The following CPLANE1 variants were observed in gnomAD, a reference collection of about 807,000 sequenced individuals.
CPLANE1 encodes the protein ciliogenesis and planar polarity effector 1.
Under a neutral mutation model 362.5 loss-of-function variants are expected in CPLANE1, and 263 were observed. The observed-to-expected ratio is 0.73, with a 90% CI of 0.66 to 0.80. CPLANE1 has a LOEUF of 0.80. CPLANE1 is among the 30% of genes least tolerant of loss of function. The pLI is 0.00. For synonymous variants in CPLANE1, 1,212 were observed against 1,302.6 expected (o/e 0.93, Z 1.50); for missense variants, 3,461 against 3,793.4 (o/e 0.91, Z 2.30).
intron 21 of CPLANE1, among the ~76,000 whole-genome samples, chr5:37,192,541 A>C (rs1785834286): frequency 1.3e-5 from 2 of 152,280 alleles, no homozygotes; most frequent in South Asian, 4.1e-4. Flanking sequence ...AAATTTTGTC[A>C]GTCATGATAA....
chr5:37,138,543 T>C (rs1407597781), intron 46 of CPLANE1, 177 bp downstream of exon 46: 3 of 743,196 alleles, frequency 4.0e-6, no homozygotes, highest in South Asian at 1.4e-5. Context: ...AGTTATATAC[T>C]ATATATTGTT....
intron 46 of CPLANE1, among the ~76,000 whole-genome samples, chr5:37,135,181 C>A (rs1362822175): frequency 6.6e-6 from 1 of 152,086 alleles, no homozygotes; most frequent in Non-Finnish European, 1.5e-5. Flanking sequence ...AAATAATTTT[C>A]TTATTTTTGC....
intron 42 of CPLANE1, among the ~76,000 whole-genome samples, chr5:37,152,863 T>C (rs1773966732): frequency 6.6e-6 from 1 of 152,000 alleles, no homozygotes; most frequent in African/African-American, 2.4e-5. Flanking sequence ...CACTCCAGCC[T>C]GGATAACAGA....
chr5:37,137,275 G>A (rs1768003943), intron 46 of CPLANE1, among the ~76,000 whole-genome samples: 1 of 152,124 alleles, frequency 6.6e-6, no homozygotes. Context: ...ACCTTCTCCA[G>A]TTCCCAACAA....
In CPLANE1 at chr5:37,148,225, A is replaced by G; in HGVS notation, c.8417T>C (p.Phe2806Ser). Residue 2806 changes from phenylalanine (F) to serine (S), a missense_variant, in exon 43 of 53, where the codon TTC becomes TCC. By Grantham distance (155) the Phe-to-Ser change is radical (BLOSUM62 -2). Around this residue, in one of 2 missense-constraint regions of CPLANE1, gnomAD observed 3,380 missense variants for 3,666.1 expected, o/e 0.92. Transcript: ENST00000651892. ...DHIEFSSGPE[F>S]KKTLASKTIS... is the part of the protein sequence containing the mutation. Reference sequence around the variant, plus strand: ...GGTTTTTGAAGCTAATGTTTTTTTGAATTCAGGGCCAGAAGAGAATTCAAT... The same window carrying G: ...GGTTTTTGAAGCTAATGTTTTTTTGGATTCAGGGCCAGAAGAGAATTCAAT... 6.2e-7 allele frequency: 1 copy of G among 1,612,846 alleles called. No homozygotes were observed. The highest frequency in any genetic ancestry group is 8.5e-7 in the Non-Finnish European group (1 of 1,179,322).
chr5:37,243,607 TATC>T (rs1187393697), intron 5 of CPLANE1, among the ~76,000 whole-genome samples: 1 of 149,294 alleles, frequency 6.7e-6, no homozygotes, highest in Non-Finnish European at 1.5e-5. Flanking sequence ...GCATATTTAG[TATC>T]ATCAATTCTA....
rs1413942466 is a variant in CPLANE1, at chr5:37,213,030, G to A, written c.2920+529C>T. Among the ~76,000 whole-genome samples, 7 of 152,144 alleles carry A rather than the reference G, an allele frequency of 4.6e-5. 1 individual carries two copies. On this transcript the variant is annotated intron_variant, in intron 16 of 52. Coordinates refer to ENST00000651892, the MANE Select transcript of CPLANE1 (RefSeq NM_001384732.1). ...TCGAGACCAGCCTGACTAACGTGGT[G>A]AAACCCTGTCTCTACTAAATACAAA... is the stretch of plus-strand genomic sequence containing the variant.
At chr5:37,203,362 A>G (rs948766528) in intron 18 of CPLANE1, among the ~76,000 whole-genome samples, 5 of 152,216 alleles carry the variant, frequency 3.3e-5, no homozygotes, top group African/African-American at 1.2e-4. Context: ...GTCACAAGTT[A>G]TCAGCAATTT....
rs916238209 is a variant in CPLANE1, at chr5:37,153,974, G to C, written c.8139C>G (p.Phe2713Leu). Residue 2713 changes from phenylalanine to leucine, a missense_variant, in exon 42 of 53, where the codon TTC (phenylalanine) becomes TTG (leucine). By Grantham distance (22) the Phe-to-Leu change is conservative (BLOSUM62 0). Coordinates refer to ENST00000651892, the MANE Select transcript of CPLANE1 (RefSeq NM_001384732.1). ...ACTTTGTGCTCTGTCCTTTGAATCG[G>C]AACTCTGGTTTTGGCAGACCTAAAT... ...QQNKGLPKPE[F>L]RFKGQSTKSD... 6.2e-7 allele frequency: 1 copy of C among 1,610,122 alleles called. No homozygotes were observed. Among genetic ancestry groups the C allele is most frequent in the African/African-American group, 1.3e-5 (1 of 74,804 alleles).
At chr5:37,221,604 G>T in intron 14 of CPLANE1, 116 bp from the exon 15 acceptor site, 1 of 579,798 alleles carries the variant, frequency 1.7e-6, no homozygotes, top group East Asian at 3.4e-5. Flanking sequence ...GTACACTCAT[G>T]ATATGTAAAC....
At chr5:37,115,651 C>T (rs1760725003) in intron 50 of CPLANE1, among the ~76,000 whole-genome samples, 1 of 143,646 alleles carries the variant, frequency 7.0e-6, no homozygotes, top group Non-Finnish European at 1.5e-5. Context: ...GGCTGCAGTA[C>T]AGTGGCGTGA....
Position 37,195,984 on chromosome 5 carries a change from C to A in CPLANE1, c.3685G>T (p.Gly1229Ter). Residue 1229 changes from glycine to a stop codon, truncating the protein, a stop_gained, in exon 21 of 53, where the codon GGA becomes TGA. Transcript: ENST00000651892. LOFTEE classifies it high-confidence loss of function. ...RKVMQKIRMK[G>*]SLPSLSPFPQ... is the part of the protein sequence containing the mutation. Reference sequence around the variant, plus strand: ...AAAGGACTCAGTGAAGGAAGGGATCCTTTCATTCGAATCTAAAAGTAAAGA... The same window carrying A: ...AAAGGACTCAGTGAAGGAAGGGATCATTTCATTCGAATCTAAAAGTAAAGA... 1.3e-6 allele frequency: 2 copies of A among 1,599,138 alleles called. No individual in the cohort carries two copies. Among genetic ancestry groups the A allele is most frequent in the African/African-American group, 1.3e-5 (1 of 74,152 alleles).
At chr5:37,199,026 G>C (rs575395097) in intron 19 of CPLANE1, among the ~76,000 whole-genome samples, 160 bp from the exon 20 acceptor site, 2 of 142,720 alleles carry the variant, frequency 1.4e-5, no homozygotes, top group East Asian at 4.5e-4. Context: ...GAGCTCAGGA[G>C]TTGGAAGCTG....
At position 37,180,963 on chromosome 5, in the gene CPLANE1, T is replaced by C. The variant is rs1447400188; in HGVS notation, c.5464A>G (p.Ile1822Val). The C allele has an allele frequency of 6.2e-7, 1 of 1,614,086 alleles. No individual in the cohort carries two copies. The highest frequency in any genetic ancestry group is 8.5e-7 in the Non-Finnish European group (1 of 1,179,990). Residue 1822 changes from isoleucine (I) to valine (V), a missense_variant, in exon 27 of 53, where the codon ATT becomes GTT. Ile to Val is a conservative substitution (Grantham distance 29). Around this residue, in one of 2 missense-constraint regions of CPLANE1, gnomAD observed 3,380 missense variants for 3,666.1 expected, o/e 0.92. Coordinates refer to ENST00000651892, the MANE Select transcript of CPLANE1 (RefSeq NM_001384732.1). ...GCATCTGATTTGCTCTCCCTCTCAATATTGGGTCCAATCTGACACCCAGTG... is the reference window on the plus strand; with the variant it reads ...GCATCTGATTTGCTCTCCCTCTCAACATTGGGTCCAATCTGACACCCAGTG... ...RDTGCQIGPN[I>V]ERESKSDAGG...
In CPLANE1 at chr5:37,175,453, C is replaced by T. The variant is rs117628091; in HGVS notation, c.5978+456G>A. Among the ~76,000 whole-genome samples, 28 of 152,312 alleles carry T rather than the reference C, an allele frequency of 1.8e-4. No homozygotes were observed. The East Asian group carries it at 5.0e-3, about 27-fold the overall frequency. On this transcript the variant is annotated intron_variant, in intron 31 of 52. Coordinates refer to ENST00000651892, the MANE Select transcript of CPLANE1 (RefSeq NM_001384732.1). ...TCAACAGGTCTCAAGGAGATCGATT[C>T]TAACTATGAAAATTTTTTTCTGAGG... is the stretch of plus-strand genomic sequence containing the variant.
At chr5:37,248,148 T>C (rs1446637766) in intron 1 of CPLANE1, among the ~76,000 whole-genome samples, 1 of 150,508 alleles carries the variant, frequency 6.6e-6, no homozygotes, top group Non-Finnish European at 1.5e-5. Flanking sequence ...TATTTCTGAG[T>C]TGAAGTTTTG....
rs556662084 is a variant in CPLANE1, at chr5:37,123,932, C to CACAT, written c.8958+1311_8958+1312insATGT. Among the ~76,000 whole-genome samples the CACAT allele has an allele frequency of 5.2e-3, 532 of 102,942 alleles. 1 individual carries two copies. Among genetic ancestry groups the CACAT allele is most frequent in the African/African-American group, 0.018 (510 of 28,354 alleles). 67.5% of individuals were successfully genotyped at this position (102,942 alleles called of 152,430 possible). On this transcript the variant is annotated intron_variant, in intron 47 of 52. Transcript: ENST00000651892. ...TTCTACATTAGGCTAGGGGAACATA[C>CACAT]ACACACACACACACACACACACACA...
At chr5:37,215,442 A>C (rs1006763392) in intron 15 of CPLANE1, among the ~76,000 whole-genome samples, 1 of 152,178 alleles carries the variant, frequency 6.6e-6, no homozygotes, top group African/African-American at 2.4e-5. Context: ...AATATATGTT[A>C]ATCAACTATT....
chr5:37,102,790 T>G (rs1361555318), downstream of CPLANE1, among the ~76,000 whole-genome samples: 1 of 152,210 alleles, frequency 6.6e-6, no homozygotes, highest in Non-Finnish European at 1.5e-5. Flanking sequence ...TCAGTTCTTT[T>G]GCATTTGCTG....
Sources: gnomAD v4.1 joint callset for allele counts (sites outside exome capture counted in the v4.1 genomes callset) on GRCh38, gnomAD v4.1.1 for gene constraint, gnomAD v4.1.1 regional missense constraint, MANE v1.5 for transcripts, NCBI Gene and HGNC (gene_info 2026-07-23, HGNC 2026-07-21) for gene names.